AGAP1: variants seen among roughly 807,000 people sequenced by gnomAD.
The protein encoded by AGAP1 is arf-GAP with GTPase, ANK repeat and PH domain-containing protein 1.
A neutral mutation model predicts 105.3 loss-of-function variants in AGAP1; 29 were observed. That is an observed-to-expected ratio of 0.28 (90% CI 0.21 to 0.38). AGAP1 has a LOEUF of 0.38. Among genes scored for constraint, AGAP1 ranks in the 10% least tolerant of loss-of-function variants. The pLI, the probability that AGAP1 is intolerant of heterozygous loss-of-function variation, is 1.00. For synonymous variants in AGAP1, 509 were observed against 485.9 expected (o/e 1.05, Z -0.63); for missense variants, 998 against 1,165.1 (o/e 0.86, Z 2.09).
Position 236,053,875 on chromosome 2 carries a change from C to T in AGAP1, c.2114+4594C>T, listed in dbSNP as rs150390986. ...CTCTTTGATGCCACTTGGAAGGGAA[C>T]CGAGTTTGCTGATTTAGTACGTATT... On this transcript the variant is annotated intron_variant, in intron 16 of 17. Transcript: ENST00000304032. This position sits in a 1 kb window ranked among gnomAD's most constrained non-coding sequence, Gnocchi z 4.6. Among the ~76,000 whole-genome samples, 22 of 152,376 alleles carry T rather than the reference C, an allele frequency of 1.4e-4. 1 individual carries two copies. In the East Asian group the frequency reaches 4.0e-3, roughly 28 times the overall value.
chr2:236,118,250 G>T (rs763161822), intron 16 of AGAP1, among the ~76,000 whole-genome samples: 11 of 152,140 alleles, frequency 7.2e-5, no homozygotes, highest in South Asian at 2.1e-4. Context: ...CGTGTCATTT[G>T]TAACTGTGTA....
At chr2:235,938,063 T>C (rs931342615) in intron 12 of AGAP1, among the ~76,000 whole-genome samples, 1 of 152,244 alleles carries the variant, frequency 6.6e-6, no homozygotes, top group Non-Finnish European at 1.5e-5. Context: ...CAGGGTGCTT[T>C]CCACACAGCT....
chr2:236,044,061 G>A lies in AGAP1; in HGVS notation c.1891+3220G>A, dbSNP rs1033945788. Among the ~76,000 whole-genome samples the A allele has an allele frequency of 1.3e-5, 2 of 152,178 alleles. No individual in the cohort carries two copies. Among genetic ancestry groups the A allele is most frequent in the African/African-American group, 4.8e-5 (2 of 41,434 alleles). ...CATCCCAGAGCACTGTTTCCAGAGT[G>A]GACGCTGAGCCTCTGGAGCTTTGGG... On this transcript the variant is annotated intron_variant, in intron 15 of 17. Transcript: ENST00000304032. The surrounding 1 kb of genome is among the most constrained non-coding windows in gnomAD (Gnocchi z 5.7).
At chr2:235,597,852 G>T (rs1363605083) in intron 1 of AGAP1, among the ~76,000 whole-genome samples, 2 of 56,908 alleles carry the variant, frequency 3.5e-5, no homozygotes, top group East Asian at 7.4e-4. Flanking sequence ...ACGCGCTCCC[G>T]TGTTTCCTTT....
In AGAP1 at chr2:236,123,897, G is replaced by A; in HGVS notation, c.2371-22G>A. On this transcript the variant is annotated intron_variant, in intron 17 of 17. Transcript: ENST00000304032. This position sits in a 1 kb window ranked among gnomAD's most constrained non-coding sequence, Gnocchi z 4.6. ...CCATCACATCCCCCATGATACTAAT[G>A]TGGGCTCCCTTACCTCCGCAGTACG... 1.9e-6 allele frequency: 3 copies of A among 1,611,798 alleles called. No homozygotes were observed. Among genetic ancestry groups the A allele is most frequent in the Non-Finnish European group, 2.5e-6 (3 of 1,179,722 alleles).
intron 8 of AGAP1, among the ~76,000 whole-genome samples, chr2:235,802,990 T>C: frequency 6.6e-6 from 1 of 151,408 alleles, no homozygotes; most frequent in African/African-American, 2.4e-5. Flanking sequence ...GTGATGGTTG[T>C]GATGGTGGTG....
intron 4 of AGAP1, among the ~76,000 whole-genome samples, chr2:235,742,563 A>AT (rs1952653712): frequency 6.6e-6 from 1 of 152,150 alleles, no homozygotes; most frequent in South Asian, 2.1e-4. Flanking sequence ...AGTTTATAGT[A>AT]TGGCAGGGCA....
chr2:235,497,819 G>C (rs1213072607), intron 1 of AGAP1, among the ~76,000 whole-genome samples: 1 of 152,044 alleles, frequency 6.6e-6, no homozygotes, highest in East Asian at 1.9e-4. Flanking sequence ...TATGGTCTCC[G>C]TCTCCTAACC....
At chr2:235,920,642 G>A (rs1468413147) in intron 11 of AGAP1, among the ~76,000 whole-genome samples, 1 of 152,208 alleles carries the variant, frequency 6.6e-6, no homozygotes, top group Non-Finnish European at 1.5e-5. Flanking sequence ...CTCAAGCAAA[G>A]TGATGCCAAC....
At chr2:235,516,839 C>T (rs764401827) in intron 1 of AGAP1, among the ~76,000 whole-genome samples, 2 of 152,218 alleles carry the variant, frequency 1.3e-5, no homozygotes, top group African/African-American at 2.4e-5. Context: ...GTTCCATCAG[C>T]TGGGTTGGTG....
chr2:235,505,775 A>C (rs1941776427), intron 1 of AGAP1: 1 of 151,988 alleles, frequency 6.6e-6, no homozygotes, highest in Non-Finnish European at 1.5e-5. Context: ...TCCAGAACAG[A>C]GTCACTTCAG....
rs1028575502 is a variant in AGAP1, at chr2:235,719,919, T to G, written c.310+2275T>G. Among the ~76,000 whole-genome samples the G allele has an allele frequency of 6.6e-6, 1 of 152,172 alleles. No homozygotes were observed. Among genetic ancestry groups the G allele is most frequent in the Non-Finnish European group, 1.5e-5 (1 of 68,028 alleles). ...ACATGGCTCCTTGTGCCTGGAAGCT[T>G]CTTAGTCCTGCTGAATTCATGCTTC... On this transcript the variant is annotated intron_variant, in intron 3 of 17. Coordinates refer to ENST00000304032, the MANE Select transcript of AGAP1 (RefSeq NM_001037131.3). The surrounding 1 kb of genome is among the most constrained non-coding windows in gnomAD (Gnocchi z 4.9).
rs1376517143 is a variant in AGAP1, at chr2:236,076,866, G to A, written c.2114+27585G>A. 6.6e-6 allele frequency among the ~76,000 whole-genome samples: 1 copy of A among 151,754 alleles called. No homozygotes were observed. The highest frequency in any genetic ancestry group is 6.6e-5 in the Admixed American group (1 of 15,222). ...CATGCCTGTAATCCCAGCACTTTGG[G>A]AGGCCAAGGTGGGCAGATTGCTTGA... On this transcript the variant is annotated intron_variant, in intron 16 of 17. Transcript: ENST00000304032. The surrounding 1 kb of genome is among the most constrained non-coding windows in gnomAD (Gnocchi z 4.4).
chr2:235,661,616 G>A (rs1947957510), intron 1 of AGAP1, among the ~76,000 whole-genome samples: 1 of 152,172 alleles, frequency 6.6e-6, no homozygotes, highest in South Asian at 2.1e-4. Context: ...TGGGGCTTCC[G>A]ATGCTCGTGC....
chr2:235,675,190 G>T (rs1179051139), intron 1 of AGAP1, among the ~76,000 whole-genome samples: 3 of 127,278 alleles, frequency 2.4e-5, no homozygotes, highest in East Asian at 2.3e-4. Context: ...TGGTTGGTTG[G>T]TTTTTTTTTT....
chr2:235,685,128 C>G (rs752568691), intron 1 of AGAP1, among the ~76,000 whole-genome samples: 6 of 152,102 alleles, frequency 3.9e-5, no homozygotes, highest in Non-Finnish European at 5.9e-5. Context: ...CCAGAGGGTT[C>G]TTCTTTGCCT....
intron 8 of AGAP1, among the ~76,000 whole-genome samples, chr2:235,805,271 T>C (rs1957780441): frequency 6.6e-6 from 1 of 152,184 alleles, no homozygotes; most frequent in Non-Finnish European, 1.5e-5. Context: ...TGATCAGATA[T>C]TGAGTTTGGT....
chr2:235,694,851 G>A (rs1449307689), intron 1 of AGAP1, among the ~76,000 whole-genome samples: 2 of 152,162 alleles, frequency 1.3e-5, no homozygotes, highest in Non-Finnish European at 2.9e-5. Flanking sequence ...CAGACTTGGA[G>A]ATCAAATGAA....
At chr2:235,640,121 C>T (rs1170544478) in intron 1 of AGAP1, among the ~76,000 whole-genome samples, 2 of 152,198 alleles carry the variant, frequency 1.3e-5, no homozygotes, top group African/African-American at 4.8e-5. Flanking sequence ...ACTGGCAGTT[C>T]TAGGGTGAGG....
Sources: gnomAD v4.1 joint callset for allele counts (sites outside exome capture counted in the v4.1 genomes callset) on GRCh38, gnomAD v4.1.1 for gene constraint, Gnocchi (gnomAD v3.1) non-coding constraint, MANE v1.5 for transcripts, NCBI Gene and HGNC (gene_info 2026-07-23, HGNC 2026-07-21) for gene names.